Variants in CSMD1 observed in about 807,000 individuals in gnomAD.
CSMD1 encodes CUB and sushi domain-containing protein 1.
A neutral mutation model predicts 417.5 loss-of-function variants in CSMD1; 213 were observed. The ratio of observed to expected loss-of-function variants is 0.51; its 90% CI spans 0.46 to 0.57. The LOEUF is 0.57. CSMD1 is among the 20% of genes least tolerant of loss of function. The probability of loss-of-function intolerance (pLI) is 0.00; values close to 1 mark genes in which losing one functional copy is unlikely to be tolerated. For synonymous variants in CSMD1, 2,862 were observed against 1,736.8 expected (o/e 1.65, Z -16.11); for missense variants, 6,923 against 4,529.7 (o/e 1.53, Z -15.17).
intron 3 of CSMD1, among the ~76,000 whole-genome samples, chr8:4,183,961 C>A (rs1025729838): frequency 6.6e-6 from 1 of 152,144 alleles, no homozygotes; most frequent in Admixed American, 6.5e-5. Flanking sequence ...CCTGAGAACA[C>A]AGAAGGAAAA....
chr8:3,370,940 C>T (rs936437412), intron 18 of CSMD1, among the ~76,000 whole-genome samples: 1 of 151,902 alleles, frequency 6.6e-6, no homozygotes, highest in Non-Finnish European at 1.5e-5. Context: ...CACGCCATTG[C>T]ACTCCAGCCT....
At chr8:4,232,435 G>A (rs560397372) in intron 3 of CSMD1, among the ~76,000 whole-genome samples, 1 of 152,276 alleles carries the variant, frequency 6.6e-6, no homozygotes, top group South Asian at 2.1e-4. Context: ...CTGACCTCAG[G>A]TGATCTGCCC....
intron 23 of CSMD1, among the ~76,000 whole-genome samples, chr8:3,313,464 C>T (rs151148464): frequency 0.019 from 2,864 of 152,264 alleles, 87 homozygotes; most frequent in African/African-American, 0.065. Context: ...TGTGAACAGA[C>T]ACCTCTCAAA....
At position 3,551,594 on chromosome 8, in the gene CSMD1, A is replaced by T. The variant is rs200416432; in HGVS notation, c.1344+23351T>A. On this transcript the variant is annotated intron_variant, in intron 10 of 69. Coordinates refer to ENST00000635120, the MANE Select transcript of CSMD1 (RefSeq NM_033225.6). ...AATAAATATGTATATATATATATATATATTTTTTTTTTTTTTTTTTCTGAA... is the reference window on the plus strand; with the variant it reads ...AATAAATATGTATATATATATATATTTATTTTTTTTTTTTTTTTTTCTGAA... 5.5e-3 allele frequency among the ~76,000 whole-genome samples: 571 copies of T among 103,556 alleles called. 2 individuals carry two copies. Among genetic ancestry groups the T allele is most frequent in the East Asian group, 9.7e-3 (33 of 3,388 alleles). The allele number at this position is 103,556 out of a possible 152,430, so 67.9% of individuals were successfully genotyped here.
At chr8:4,048,465 C>G (rs1282721944) in intron 3 of CSMD1, among the ~76,000 whole-genome samples, 1 of 152,144 alleles carries the variant, frequency 6.6e-6, no homozygotes, top group African/African-American at 2.4e-5. Context: ...TCTGCAGTAG[C>G]TACTATTATC....
intron 3 of CSMD1, among the ~76,000 whole-genome samples, chr8:4,039,311 C>T (rs1053440267): frequency 2.0e-5 from 3 of 152,100 alleles, no homozygotes; most frequent in Non-Finnish European, 2.9e-5. Flanking sequence ...TGTAAACCAA[C>T]GATATCAAAT....
intron 7 of CSMD1, among the ~76,000 whole-genome samples, chr8:3,655,446 T>A (rs1185383968): frequency 6.6e-6 from 1 of 152,236 alleles, no homozygotes; most frequent in Non-Finnish European, 1.5e-5. Flanking sequence ...CATATTTCAT[T>A]ACTCTACATA....
chr8:4,597,904 G>C (rs1020045418), intron 2 of CSMD1, among the ~76,000 whole-genome samples: 1 of 151,978 alleles, frequency 6.6e-6, no homozygotes, highest in Middle Eastern at 3.4e-3. Flanking sequence ...TGGAGAATAT[G>C]GTGGGTACTA....
chr8:3,346,980 G>C (rs1364048869), intron 22 of CSMD1, among the ~76,000 whole-genome samples: 1 of 152,242 alleles, frequency 6.6e-6, no homozygotes, highest in Non-Finnish European at 1.5e-5. Context: ...ATGATTTATA[G>C]CAGGGGAGTC....
chr8:3,195,009 C>T (rs957532705), intron 33 of CSMD1, among the ~76,000 whole-genome samples: 8 of 152,142 alleles, frequency 5.3e-5, no homozygotes, highest in African/African-American at 1.9e-4. Flanking sequence ...ATATGGTTTC[C>T]TTTTCCCTTT....
At chr8:3,560,486 G>C (rs1027564859) in intron 10 of CSMD1, among the ~76,000 whole-genome samples, 1 of 152,158 alleles carries the variant, frequency 6.6e-6, no homozygotes, top group Non-Finnish European at 1.5e-5. Flanking sequence ...TTCTCATGCT[G>C]TATTAGTGCC....
intron 3 of CSMD1, among the ~76,000 whole-genome samples, chr8:4,336,350 A>C (rs981674804): frequency 6.6e-6 from 1 of 152,126 alleles, no homozygotes. Flanking sequence ...AGCAGGGAGC[A>C]ACTGGGTCAT....
rs1807142670 is a variant in CSMD1, at chr8:3,334,780, GGGACTTCCTA to G, written c.3631+8504_3631+8513del. Among the ~76,000 whole-genome samples, 5 of 152,268 alleles carry G rather than the reference GGGACTTCCTA, an allele frequency of 3.3e-5. 1 individual carries two copies. In the Middle Eastern group the frequency reaches 0.01, roughly 311 times the overall value. On this transcript the variant is annotated intron_variant, in intron 23 of 69. Coordinates refer to ENST00000635120, the MANE Select transcript of CSMD1 (RefSeq NM_033225.6). ...ATTGAATTTGCAGAGTAAGTAGAGT[GGGACTTCCTA>G]GGTCTCTCTCTAATGTTCTTTAAAC...
At chr8:3,376,549 C>T (rs1233839141) in intron 18 of CSMD1, among the ~76,000 whole-genome samples, 4 of 152,068 alleles carry the variant, frequency 2.6e-5, no homozygotes, top group South Asian at 4.1e-4. Context: ...AGTTGAACTA[C>T]TTGCATGATT....
At chr8:3,608,815 A>C (rs1245444233) in intron 8 of CSMD1, among the ~76,000 whole-genome samples, 1 of 151,938 alleles carries the variant, frequency 6.6e-6, no homozygotes, top group African/African-American at 2.4e-5. Context: ...GGCCAATGCT[A>C]GTCTATGTGG....
intron 1 of CSMD1, among the ~76,000 whole-genome samples, chr8:4,790,887 A>C (rs1256821082): frequency 1.3e-5 from 2 of 152,240 alleles, no homozygotes; most frequent in Non-Finnish European, 2.9e-5. Context: ...CCCTAGAAGG[A>C]AACATAGGAA....
At chr8:3,605,096 G>C (rs1038005775) in intron 8 of CSMD1, among the ~76,000 whole-genome samples, 4 of 152,318 alleles carry the variant, frequency 2.6e-5, no homozygotes, top group South Asian at 2.1e-4. Flanking sequence ...CCAGGTTCAA[G>C]TGATTCTCCT....
intron 1 of CSMD1, among the ~76,000 whole-genome samples, chr8:4,757,294 A>G (rs1811726203): frequency 6.6e-6 from 1 of 152,216 alleles, no homozygotes. Flanking sequence ...TAAAAGATAT[A>G]CGTGACTAAT....
At chr8:4,509,251 C>A (rs1802694399) in intron 2 of CSMD1, among the ~76,000 whole-genome samples, 1 of 152,008 alleles carries the variant, frequency 6.6e-6, no homozygotes, top group Non-Finnish European at 1.5e-5. Context: ...CAAAGAGAAT[C>A]AGAATATGCC....
Sources: gnomAD v4.1 joint callset for allele counts (sites outside exome capture counted in the v4.1 genomes callset) on GRCh38, gnomAD v4.1.1 for gene constraint, MANE v1.5 for transcripts, NCBI Gene and HGNC (gene_info 2026-07-23, HGNC 2026-07-21) for gene names.